The following CCDC171 variants were observed in gnomAD, a reference collection of about 807,000 sequenced individuals.
CCDC171 encodes the protein coiled-coil domain-containing protein 171.
A neutral mutation model predicts 168.2 loss-of-function variants in CCDC171; 177 were observed. That is an observed-to-expected ratio of 1.05 (90% CI 0.93 to 1.19). The LOEUF (loss-of-function observed/expected upper bound fraction) is 1.19, where lower values mean the gene tolerates loss of function less well. CCDC171 is among the 50% of genes most tolerant of loss of function. The pLI is 0.00. For synonymous variants in CCDC171, 687 were observed against 540.8 expected, an observed-to-expected ratio of 1.27 and a Z score of -3.75; for missense variants, 1,991 against 1,539.0, an observed-to-expected ratio of 1.29 and a Z score of -4.91.
chr9:15,971,708 C>A lies in CCDC171; in HGVS notation c.3853C>A (p.Leu1285Ile). ...GGATTTCTTACCATTGAAAGCTGAACTTGATACTACTTACACTTTCTTAAA... is the reference window on the plus strand; with the variant it reads ...GGATTTCTTACCATTGAAAGCTGAAATTGATACTACTTACACTTTCTTAAA... ...IGDFLPLKAE[L>I]DTTYTFLKET... Residue 1285 changes from leucine to isoleucine, a missense_variant, in exon 26 of 26, where the codon CTT (leucine) becomes ATT (isoleucine). Leu to Ile is a conservative substitution (Grantham distance 5). Coordinates refer to ENST00000380701, the MANE Select transcript of CCDC171 (RefSeq NM_173550.4). 5 of 1,613,770 alleles carry A rather than the reference C, an allele frequency of 3.1e-6. No homozygotes were observed. The Middle Eastern group carries it at 4.9e-4, about 160-fold the overall frequency.
At chr9:15,926,723 A>G (rs1288440616) in intron 25 of CCDC171, among the ~76,000 whole-genome samples, 1 of 151,684 alleles carries the variant, frequency 6.6e-6, no homozygotes, top group African/African-American at 2.4e-5. Context: ...TGAAACAAAG[A>G]CACAGTGTCT....
chr9:15,795,603 G>A lies in CCDC171; in HGVS notation c.3267+10909G>A, dbSNP rs554264337. Among the ~76,000 whole-genome samples, 97 of 152,294 alleles carry A rather than the reference G, an allele frequency of 6.4e-4. 1 individual carries two copies. The highest frequency in any genetic ancestry group is 2.3e-3 in the African/African-American group (94 of 41,554). ...TAGCTCATTGGGGTGTGCAAACCTAGCTGGAGGCCAGAGTTGATAATAATA... is the reference window on the plus strand; with the variant it reads ...TAGCTCATTGGGGTGTGCAAACCTAACTGGAGGCCAGAGTTGATAATAATA... On this transcript the variant is annotated intron_variant, in intron 21 of 25. Coordinates refer to ENST00000380701, the MANE Select transcript of CCDC171 (RefSeq NM_173550.4).
intron 25 of CCDC171, among the ~76,000 whole-genome samples, chr9:15,969,030 C>G: frequency 6.6e-6 from 1 of 152,142 alleles, no homozygotes; most frequent in East Asian, 1.9e-4. Flanking sequence ...TTAAGGAAAT[C>G]TCTCTGTCTC....
chr9:15,793,557 T>TG (rs2058387380), intron 21 of CCDC171, among the ~76,000 whole-genome samples: 1 of 43,820 alleles, frequency 2.3e-5, no homozygotes, highest in Non-Finnish European at 5.8e-5. Flanking sequence ...CAAGGTTTTT[T>TG]TTTTTTTTTT....
chr9:16,069,537 T>C, the CCDC171 span, among the ~76,000 whole-genome samples: 7 of 152,212 alleles, frequency 4.6e-5, no homozygotes, highest in Non-Finnish European at 2.9e-5. Flanking sequence ...AAGGTTTTGA[T>C]GAAATATTGG....
rs549838014 is a variant in CCDC171 at position 15,902,983 on chromosome 9, G to A, written c.3601-17287G>A. On this transcript the variant is annotated intron_variant, in intron 24 of 25. Transcript: ENST00000380701. The stretch of plus-strand genomic sequence containing the variant: ...ACTGCAAGGCGGCAGCGAGCTGGGG[G>A]AGGGGCGCTCGCCATTGCCTAGGCT... Among the ~76,000 whole-genome samples the A allele has an allele frequency of 2.0e-5, 3 of 152,332 alleles. No homozygotes were observed. In the East Asian group the frequency reaches 5.8e-4, roughly 29 times the overall value.
chr9:15,999,217 A>G (rs1337348894), intron 3 of CCDC171, among the ~76,000 whole-genome samples: 1 of 151,782 alleles, frequency 6.6e-6, no homozygotes, highest in Non-Finnish European at 1.5e-5. Context: ...TTGAAAAAAA[A>G]AGGAAAAGAG....
intron 25 of CCDC171, among the ~76,000 whole-genome samples, chr9:15,944,833 CTTT>C (rs1554691550): frequency 0.19 from 9,232 of 48,056 alleles, 513 homozygotes; most frequent in East Asian, 0.44. Context: ...CTTTTTCTTT[CTTT>C]TTTCTTTCTT....
At chr9:15,590,771 C>CTT (rs1287033772) in intron 4 of CCDC171, among the ~76,000 whole-genome samples, 11 of 122,518 alleles carry the variant, frequency 9.0e-5, no homozygotes, top group South Asian at 8.5e-4. Context: ...TTCTTTCTTT[C>CTT]TCTTTCTTTC....
At chr9:15,831,464 C>A (rs1225639357) in intron 21 of CCDC171, among the ~76,000 whole-genome samples, 10 of 152,044 alleles carry the variant, frequency 6.6e-5, no homozygotes, top group African/African-American at 2.4e-4. Flanking sequence ...ATGTATGAAA[C>A]CTAGAACTGG....
At chr9:16,065,809 G>GGTGTGCATGGTGTGTGT (rs373145926), downstream of CCDC171, among the ~76,000 whole-genome samples, 443 of 144,330 alleles carry the variant, frequency 3.1e-3, 3 homozygotes, top group South Asian at 0.026. Context: ...TTGTGTGCAT[G>GGTGTGCATGGTGTGTGT]GTGTGTGTGT....
chr9:15,913,982 C>T (rs1824101647), intron 24 of CCDC171, among the ~76,000 whole-genome samples: 1 of 152,236 alleles, frequency 6.6e-6, no homozygotes, highest in Non-Finnish European at 1.5e-5. Flanking sequence ...GGCTGCAGAA[C>T]AGCAAAGATT....
At chr9:15,959,776 C>T (rs544197673) in intron 25 of CCDC171, among the ~76,000 whole-genome samples, 1 of 152,074 alleles carries the variant, frequency 6.6e-6, no homozygotes, top group East Asian at 1.9e-4. Flanking sequence ...GACCTAATGC[C>T]TTTCCTCCAT....
chr9:15,563,583 C>T (rs552139285), intron 1 of CCDC171, among the ~76,000 whole-genome samples: 5 of 152,292 alleles, frequency 3.3e-5, no homozygotes, highest in Admixed American at 6.5e-5. Flanking sequence ...AGATGAATGA[C>T]GGTGGTATTC....
At chr9:15,783,506 G>C (rs780772742) in intron 20 of CCDC171, among the ~76,000 whole-genome samples, 1 of 152,114 alleles carries the variant, frequency 6.6e-6, no homozygotes, top group African/African-American at 2.4e-5. Flanking sequence ...TTTTTAAATA[G>C]ATACATGTAT....
At chr9:16,107,342 A>G in the CCDC171 span, among the ~76,000 whole-genome samples, 86 of 151,820 alleles carry the variant, frequency 5.7e-4, no homozygotes, top group Non-Finnish European at 9.9e-4. Context: ...ACCCAAATAT[A>G]CTCTATATCT....
intron 3 of CCDC171, among the ~76,000 whole-genome samples, chr9:16,004,963 G>A (rs561532457): frequency 2.0e-4 from 31 of 152,086 alleles, no homozygotes; most frequent in African/African-American, 5.1e-4. Flanking sequence ...ATTATATATC[G>A]CATAGATACC....
Position 15,886,285 on chromosome 9 carries a change from A to G in CCDC171, c.3600+11622A>G, listed in dbSNP as rs573023334. 7.2e-5 allele frequency: 11 copies of G among 152,320 alleles called. No individual in the cohort carries two copies. The East Asian group carries it at 2.1e-3, about 29-fold the overall frequency. The allele number at this position is 152,320 out of a possible 1,614,324, so 9.4% of individuals were successfully genotyped here. On this transcript the variant is annotated intron_variant, in intron 24 of 25. Transcript: ENST00000380701. Reference sequence around the variant, plus strand: ...ATATAAGGAACTCATACAACACAATAACTTTTTTAAAAAATGGGCAAAGGA... The same window carrying G: ...ATATAAGGAACTCATACAACACAATGACTTTTTTAAAAAATGGGCAAAGGA...
At chr9:15,822,393 G>A (rs1183317078) in intron 21 of CCDC171, among the ~76,000 whole-genome samples, 2 of 151,564 alleles carry the variant, frequency 1.3e-5, no homozygotes, top group Admixed American at 6.6e-5. Flanking sequence ...AGAGTGAACA[G>A]GCAACCTACA....
Sources: allele counts gnomAD v4.1 joint callset (sites outside exome capture counted in the v4.1 genomes callset), GRCh38; gene constraint gnomAD v4.1.1; transcripts MANE v1.5; gene names NCBI Gene and HGNC (gene_info 2026-07-23, HGNC 2026-07-21).